Variants in EFCAB6 observed in about 807,000 individuals in gnomAD.
EFCAB6 encodes the protein EF-hand calcium binding domain 6, also known as EF-hand calcium-binding domain-containing protein 6.
A neutral mutation model predicts 169.8 loss-of-function variants in EFCAB6; 156 were observed. The observed-to-expected ratio is 0.92, with a 90% CI of 0.81 to 1.05. The LOEUF (loss-of-function observed/expected upper bound fraction) is 1.05, where lower values mean the gene tolerates loss of function less well. EFCAB6 is among the 50% of genes least tolerant of loss of function. The probability of loss-of-function intolerance (pLI) is 0.00; values close to 1 mark genes in which losing one functional copy is unlikely to be tolerated. For synonymous variants in EFCAB6, 698 were observed against 676.4 expected, an observed-to-expected ratio of 1.03 and a Z score of -0.50; for missense variants, 1,800 against 1,829.1, an observed-to-expected ratio of 0.98 and a Z score of 0.29.
Position 43,755,832 on chromosome 22 carries a change from C to T in EFCAB6, c.441G>A (p.Arg147=). 1 of 1,593,868 alleles carries T rather than the reference C, an allele frequency of 6.3e-7. No individual in the cohort carries two copies. The highest frequency in any genetic ancestry group is 8.5e-7 in the Non-Finnish European group (1 of 1,173,244). ...GIDLYINGIK[R]GGGNEMNCCR... is the part of the protein sequence containing the mutation. ...AGCAATTCATTTCATTCCCACCTCC[C>T]CTTAGAAATAAAAAAAAAATCTTTA... Residue 147 remains arginine (R), a splice_region_variant and synonymous_variant, in exon 6 of 32, where the codon AGG becomes AGA. Transcript: ENST00000262726.
chr22:43,722,889 TCAA>T (rs1256229250), intron 8 of EFCAB6, among the ~76,000 whole-genome samples: 1 of 152,054 alleles, frequency 6.6e-6, no homozygotes, highest in Non-Finnish European at 1.5e-5. Context: ...AAGAATAAAA[TCAA>T]GTCATTTGCA....
chr22:43,544,111 G>T (rs1199057084), intron 27 of EFCAB6, among the ~76,000 whole-genome samples: 1 of 151,748 alleles, frequency 6.6e-6, no homozygotes, highest in African/African-American at 2.4e-5. Context: ...GCTTACTGGG[G>T]AAGCTCCTGC....
chr22:43,738,626 C>T (rs2060257148), intron 6 of EFCAB6, among the ~76,000 whole-genome samples: 1 of 151,964 alleles, frequency 6.6e-6, no homozygotes, highest in African/African-American at 2.4e-5. Flanking sequence ...CATTCTCTTG[C>T]ATATATATTC....
chr22:43,772,013 C>T (rs2061486639), intron 4 of EFCAB6, among the ~76,000 whole-genome samples: 1 of 152,264 alleles, frequency 6.6e-6, no homozygotes, highest in Non-Finnish European at 1.5e-5. Flanking sequence ...CGAGAATACT[C>T]ACTCCTTCGT....
At chr22:43,563,470 T>C (rs1357859890) in intron 26 of EFCAB6, among the ~76,000 whole-genome samples, 2 of 151,928 alleles carry the variant, frequency 1.3e-5, no homozygotes, top group Non-Finnish European at 2.9e-5. Context: ...GAGGCTGAGG[T>C]GGGAGGATCA....
At chr22:43,747,409 T>C (rs1427025316) in intron 6 of EFCAB6, among the ~76,000 whole-genome samples, 1 of 152,168 alleles carries the variant, frequency 6.6e-6, no homozygotes, top group African/African-American at 2.4e-5. Context: ...TGGGGCCGGC[T>C]CTGGGGGACC....
rs771677982 is a variant in EFCAB6 at position 43,530,844 on chromosome 22, C to T, written c.4354G>A (p.Gly1452Arg). ...TFKSYDEAGT[G>R]LLSVADFRTV... Reference sequence around the variant, plus strand: ...CTGAAATCTGCGACGCTTAGCAGCCCTGTTCCAGCCTCATCATAGCTTTTG... The same window carrying T: ...CTGAAATCTGCGACGCTTAGCAGCCTTGTTCCAGCCTCATCATAGCTTTTG... The change falls in exon 31 of 32, where the codon GGG becomes AGG. Residue 1452 changes from glycine to arginine, a missense_variant. Physicochemically the swap from Gly to Arg is moderately radical, Grantham distance 125. Coordinates refer to ENST00000262726, the MANE Select transcript of EFCAB6 (RefSeq NM_022785.4). The T allele has an allele frequency of 3.1e-6, 5 of 1,613,974 alleles. No individual in the cohort carries two copies. The East Asian group carries it at 6.7e-5, about 22-fold the overall frequency.
chr22:43,694,299 C>G (rs1007015666), intron 10 of EFCAB6, among the ~76,000 whole-genome samples: 3 of 152,072 alleles, frequency 2.0e-5, no homozygotes, highest in Non-Finnish European at 2.9e-5. Context: ...TCTATATTAA[C>G]TTTCTCAAAC....
intron 2 of EFCAB6, among the ~76,000 whole-genome samples, chr22:43,794,999 GAC>G (rs1476473314): frequency 5.9e-5 from 9 of 152,112 alleles, no homozygotes; most frequent in Non-Finnish European, 1.2e-4. Context: ...ACGCATTTGG[GAC>G]ACAGTCTCCC....
chr22:43,557,786 T>A (rs1283380062), intron 26 of EFCAB6, among the ~76,000 whole-genome samples: 2 of 152,224 alleles, frequency 1.3e-5, no homozygotes, highest in Non-Finnish European at 2.9e-5. Flanking sequence ...TAGAAATATT[T>A]AGCACCATAT....
At position 43,551,030 on chromosome 22, in the gene EFCAB6, A is replaced by AT. The variant is rs539145528; in HGVS notation, c.3648+3838dup. ...GGCCCCTCACGTTCGTGACTGTTGG[A>AT]TTTTTTAAAGTAGGAGATAAGTTTT... is the stretch of plus-strand genomic sequence containing the variant. On this transcript the variant is annotated intron_variant, in intron 27 of 31. Coordinates refer to ENST00000262726, the MANE Select transcript of EFCAB6 (RefSeq NM_022785.4). Among the ~76,000 whole-genome samples, 788 of 152,320 alleles carry AT rather than the reference A, an allele frequency of 5.2e-3. 4 individuals carry two copies. The highest frequency in any genetic ancestry group is 0.041 in the Middle Eastern group (12 of 294).
intron 27 of EFCAB6, chr22:43,553,040 A>G (rs1264624523): frequency 6.6e-6 from 1 of 152,220 alleles, no homozygotes; most frequent in Non-Finnish European, 1.5e-5. Flanking sequence ...TAGGAATGTT[A>G]AACCTGATAG....
In EFCAB6 at chr22:43,528,782, A is replaced by G; in HGVS notation, c.*71T>C. On this transcript the variant is annotated 3_prime_UTR_variant, in exon 32 of 32. Transcript: ENST00000262726. ...TTTTTGAAAATTCATGAAACCCCCA[A>G]ATTATAGGATTTTATTAGCCTTGAA... 6.8e-7 allele frequency: 1 copy of G among 1,480,436 alleles called. No homozygotes were observed. The highest frequency in any genetic ancestry group is 9.1e-7 in the Non-Finnish European group (1 of 1,099,394). 91.7% of individuals were successfully genotyped at this position (1,480,436 alleles called of 1,614,324 possible). A position where few individuals can be genotyped will look rare whatever the true frequency, so the allele number is the denominator to read the frequency against.
At chr22:43,740,126 C>T (rs1262756779) in intron 6 of EFCAB6, among the ~76,000 whole-genome samples, 13 of 152,180 alleles carry the variant, frequency 8.5e-5, no homozygotes, top group African/African-American at 1.4e-4. Context: ...ATTCTTCCCC[C>T]GACACTCACT....
chr22:43,758,218 A>G (rs771513116), intron 5 of EFCAB6, among the ~76,000 whole-genome samples: 8 of 152,146 alleles, frequency 5.3e-5, no homozygotes, highest in Non-Finnish European at 1.0e-4. Flanking sequence ...CTGTCTTTTA[A>G]CTGAAATATT....
intron 26 of EFCAB6, among the ~76,000 whole-genome samples, chr22:43,565,005 C>T (rs1000321067): frequency 6.6e-6 from 1 of 152,170 alleles, no homozygotes; most frequent in East Asian, 1.9e-4. Context: ...TGTGTGCATG[C>T]CCTTTGCCAG....
chr22:43,780,043 T>G (rs1216562108), intron 3 of EFCAB6, among the ~76,000 whole-genome samples: 1 of 152,198 alleles, frequency 6.6e-6, no homozygotes, highest in Non-Finnish European at 1.5e-5. Context: ...CACAATGGAA[T>G]GTTATTTTTC....
chr22:43,627,125 A>G (rs937233230), intron 19 of EFCAB6, among the ~76,000 whole-genome samples: 4 of 152,196 alleles, frequency 2.6e-5, no homozygotes, highest in African/African-American at 9.7e-5. Flanking sequence ...GAGCCACCTG[A>G]AGGCCAGGCC....
At chr22:43,632,295 T>TTTTC (rs878855409) in intron 18 of EFCAB6, 57 bp from the exon 19 acceptor site, 337 of 236,880 alleles carry the variant, frequency 1.4e-3, no homozygotes, top group Middle Eastern at 6.8e-3. Flanking sequence ...TCATTCCTTC[T>TTTTC]TTTTTTTTTT....
Sources: gnomAD v4.1 joint callset for allele counts (sites outside exome capture counted in the v4.1 genomes callset) on GRCh38, gnomAD v4.1.1 for gene constraint, MANE v1.5 for transcripts, NCBI Gene and HGNC (gene_info 2026-07-23, HGNC 2026-07-21) for gene names.